NALF1: variants seen among roughly 807,000 people sequenced by gnomAD.
The protein encoded by NALF1 is family with sequence similarity 155 member A.
In NALF1, 3 loss-of-function variants were observed where a neutral mutation model predicts 48.4. That is an observed-to-expected ratio of 0.06 (90% confidence interval 0.03 to 0.16). NALF1 has a LOEUF of 0.16. Among genes scored for constraint, NALF1 ranks in the 10% least tolerant of loss-of-function variants. The pLI is 1.00. For synonymous variants in NALF1, 262 were observed against 245.7 expected (o/e 1.07, Z -0.62); for missense variants, 526 against 571.5 (o/e 0.92, Z 0.81).
intron 2 of NALF1, among the ~76,000 whole-genome samples, chr13:107,194,482 C>T (rs1338818563): frequency 6.6e-6 from 1 of 152,112 alleles, no homozygotes; most frequent in Non-Finnish European, 1.5e-5. Context: ...AAAGGACATC[C>T]TATTCAATAA....
chr13:107,702,008 A>G (rs2138512141), intron 1 of NALF1, among the ~76,000 whole-genome samples: 1 of 152,350 alleles, frequency 6.6e-6, no homozygotes, highest in South Asian at 2.1e-4. Context: ...GCTACAAAGT[A>G]TAATAAATGC....
chr13:107,470,130 T>A (rs1885076242), intron 1 of NALF1, among the ~76,000 whole-genome samples: 1 of 152,148 alleles, frequency 6.6e-6, no homozygotes, highest in African/African-American at 2.4e-5. Context: ...ACAGTAATTG[T>A]CAAAAAAATT....
chr13:107,623,725 C>G (rs572671389), intron 1 of NALF1, among the ~76,000 whole-genome samples: 1 of 152,158 alleles, frequency 6.6e-6, no homozygotes, highest in Admixed American at 6.5e-5. Flanking sequence ...CTCAAGAAAC[C>G]TAAAATGGTC....
chr13:107,815,908 T>A (rs748709214), intron 1 of NALF1, among the ~76,000 whole-genome samples: 7 of 152,160 alleles, frequency 4.6e-5, no homozygotes, highest in Non-Finnish European at 1.0e-4. Context: ...ATCCAATTTA[T>A]GTAAATTGTT....
intron 1 of NALF1, among the ~76,000 whole-genome samples, chr13:107,452,569 G>A (rs1884760598): frequency 6.6e-6 from 1 of 152,110 alleles, no homozygotes; most frequent in Non-Finnish European, 1.5e-5. Flanking sequence ...GGACATGTGA[G>A]GATTATCGGG....
intron 1 of NALF1, among the ~76,000 whole-genome samples, chr13:107,654,932 T>C (rs1880537845): frequency 1.3e-5 from 2 of 152,092 alleles, no homozygotes; most frequent in Admixed American, 1.3e-4. Flanking sequence ...GAAAAAGCAT[T>C]TGACAAAATC....
chr13:107,694,897 A>G (rs1881665239), intron 1 of NALF1, among the ~76,000 whole-genome samples: 1 of 151,960 alleles, frequency 6.6e-6, no homozygotes. Context: ...GGTTCAAGCA[A>G]TTCTCCTGCC....
intron 1 of NALF1, among the ~76,000 whole-genome samples, chr13:107,803,537 A>T (rs1196153289): frequency 1.3e-5 from 2 of 152,170 alleles, no homozygotes; most frequent in African/African-American, 4.8e-5. Flanking sequence ...TCTTTAAAAT[A>T]TCACGTTTTT....
chr13:107,566,075 C>T (rs142043505), intron 1 of NALF1, among the ~76,000 whole-genome samples: 233 of 152,222 alleles, frequency 1.5e-3, no homozygotes, highest in African/African-American at 5.3e-3. Context: ...TTATAATTTA[C>T]CTCAGTGTAG....
chr13:107,672,284 A>C (rs1176421739), intron 1 of NALF1, among the ~76,000 whole-genome samples: 1 of 152,174 alleles, frequency 6.6e-6, no homozygotes, highest in Non-Finnish European at 1.5e-5. Context: ...TAGCTATTAC[A>C]CTTTCAATCT....
intron 1 of NALF1, among the ~76,000 whole-genome samples, chr13:107,352,205 T>C (rs1316946625): frequency 6.6e-6 from 1 of 151,988 alleles, no homozygotes; most frequent in African/African-American, 2.4e-5. Flanking sequence ...TGCTGGTAAG[T>C]TGTGTTTCAT....
intron 1 of NALF1, among the ~76,000 whole-genome samples, chr13:107,791,105 T>C (rs1400506953): frequency 3.9e-5 from 6 of 152,204 alleles, no homozygotes; most frequent in African/African-American, 1.4e-4. Flanking sequence ...TTTATTTTGC[T>C]TATTTAATAT....
chr13:107,485,188 A>T (rs1009668209), intron 1 of NALF1, among the ~76,000 whole-genome samples: 4 of 152,104 alleles, frequency 2.6e-5, no homozygotes, highest in Non-Finnish European at 5.9e-5. Context: ...GCTGCTGTGC[A>T]TGTCTGTGAT....
At chr13:107,554,429 GC>G (rs1289539425) in intron 1 of NALF1, among the ~76,000 whole-genome samples, 1 of 152,204 alleles carries the variant, frequency 6.6e-6, no homozygotes, top group African/African-American at 2.4e-5. Flanking sequence ...GAAGGTTAAT[GC>G]AGAGTTAGTC....
At chr13:107,715,712 G>A (rs1179766200) in intron 1 of NALF1, among the ~76,000 whole-genome samples, 2 of 152,180 alleles carry the variant, frequency 1.3e-5, no homozygotes, top group Non-Finnish European at 2.9e-5. Context: ...TGTGAAGCAC[G>A]ACACCACAGT....
chr13:107,301,929 C>A (rs16969969), intron 1 of NALF1, among the ~76,000 whole-genome samples: 6,730 of 152,186 alleles, frequency 0.044, 213 homozygotes, highest in East Asian at 0.16. Context: ...AATTAGAGGG[C>A]GCTCTAGTTT....
Position 107,292,814 on chromosome 13 carries a change from G to T in NALF1, c.916-82059C>A, listed in dbSNP as rs376027843. 1.2e-4 allele frequency among the ~76,000 whole-genome samples: 18 copies of T among 152,214 alleles called. No individual in the cohort carries two copies. The South Asian group carries it at 3.5e-3, about 30-fold the overall frequency. ...AGTAACAATTATAATCATTATCAAA[G>T]ATTATATACTGTATATAATTAGAGG... On this transcript the variant is annotated intron_variant, in intron 1 of 2. Transcript: ENST00000375915.
intron 1 of NALF1, among the ~76,000 whole-genome samples, chr13:107,773,943 G>C (rs1877653910): frequency 1.3e-5 from 2 of 152,080 alleles, no homozygotes; most frequent in South Asian, 2.1e-4. Context: ...ATATTGTAAA[G>C]ATCATTTTGT....
intron 1 of NALF1, among the ~76,000 whole-genome samples, chr13:107,695,898 C>CT (rs10642452): frequency 0.045 from 6,556 of 146,068 alleles, 289 homozygotes; most frequent in African/African-American, 0.11. Flanking sequence ...CATCTATATT[C>CT]TTTTTTTTTT....
Sources: allele counts gnomAD v4.1 joint callset (sites outside exome capture counted in the v4.1 genomes callset), GRCh38; gene constraint gnomAD v4.1.1; transcripts MANE v1.5; gene names NCBI Gene and HGNC (gene_info 2026-07-23, HGNC 2026-07-21).